The following IQGAP1 variants were observed in gnomAD, a reference collection of about 807,000 sequenced individuals.
IQGAP1 encodes ras GTPase-activating-like protein IQGAP1.
IQGAP1 carries 66 observed loss-of-function variants against 215.6 expected under a neutral mutation model. The ratio of observed to expected loss-of-function variants is 0.31; its 90% confidence interval spans 0.25 to 0.38. The LOEUF is 0.38. Among genes scored for constraint, IQGAP1 ranks in the 10% least tolerant of loss-of-function variants. IQGAP1 has a pLI of 1.00. For synonymous variants in IQGAP1, 772 were observed against 728.7 expected, an observed-to-expected ratio of 1.06 and a Z score of -0.96; for missense variants, 1,712 against 1,997.1, an observed-to-expected ratio of 0.86 and a Z score of 2.72.
chr15:90,467,692 C>T lies in IQGAP1; in HGVS notation c.2178+100C>T, dbSNP rs766895026. On this transcript the variant is annotated intron_variant, in intron 18 of 37. Coordinates refer to ENST00000268182, the MANE Select transcript of IQGAP1 (RefSeq NM_003870.4). ...AGGGCATGTGGTCAGAAGCCCTAGA[C>T]TAAAATTGAGGTTATGTAATGAGCT... 85 of 1,261,864 alleles carry T rather than the reference C, an allele frequency of 6.7e-5. No individual in the cohort carries two copies. The African/African-American group carries it at 1.2e-3, about 18-fold the overall frequency. The allele number at this position is 1,261,864 out of a possible 1,614,324, so 78.2% of individuals were successfully genotyped here. A position where few individuals can be genotyped will look rare whatever the true frequency, so the allele number is the denominator to read the frequency against.
chr15:90,414,409 A>G (rs910256923), intron 2 of IQGAP1, among the ~76,000 whole-genome samples: 5 of 152,132 alleles, frequency 3.3e-5, no homozygotes, highest in African/African-American at 1.2e-4. Flanking sequence ...TTACTTTTCT[A>G]GTTATTTTAA....
chr15:90,448,877 A>G (rs748181066), intron 10 of IQGAP1, 141 bp downstream of exon 10: 11 of 738,002 alleles, frequency 1.5e-5, no homozygotes, highest in Non-Finnish European at 2.1e-5. Flanking sequence ...TTTAAAAAAA[A>G]ATCCTCAGGT....
intron 2 of IQGAP1, among the ~76,000 whole-genome samples, chr15:90,404,218 T>C (rs77804847): frequency 6.6e-6 from 1 of 152,206 alleles, no homozygotes; most frequent in African/African-American, 2.4e-5. Flanking sequence ...CTCAAAAATA[T>C]TGCCAATTTG....
chr15:90,427,799 G>A (rs1444776562), intron 3 of IQGAP1, among the ~76,000 whole-genome samples: 4 of 152,098 alleles, frequency 2.6e-5, no homozygotes, highest in Non-Finnish European at 4.4e-5. Flanking sequence ...GAGGTTACCT[G>A]TGAATCCTTA....
At chr15:90,483,250 A>G in intron 28 of IQGAP1, 111 bp from the exon 29 acceptor site, 1 of 717,648 alleles carries the variant, frequency 1.4e-6, no homozygotes, top group Non-Finnish European at 2.4e-6. Context: ...TTTTTTATTT[A>G]TTTTTTCCTC....
chr15:90,489,852 C>T (rs1247901682), intron 33 of IQGAP1, among the ~76,000 whole-genome samples: 2 of 152,196 alleles, frequency 1.3e-5, no homozygotes, highest in African/African-American at 4.8e-5. Context: ...TTGGTGCTCT[C>T]ACCTCTGTTC....
chr15:90,482,275 G>T lies in IQGAP1; in HGVS notation c.3549G>T (p.Leu1183=), dbSNP rs768428053. 2 of 1,614,176 alleles carry T rather than the reference G, an allele frequency of 1.2e-6. No homozygotes were observed. Among genetic ancestry groups the T allele is most frequent in the East Asian group, 2.2e-5 (1 of 44,888 alleles). The change falls in exon 28 of 38, where the codon CTG becomes CTT. Residue 1183 remains leucine (L), a synonymous_variant. Transcript: ENST00000268182. ...EKFPDAGEDE[L]LKIIGNLLYY... is the part of the protein sequence containing the mutation. ...TCCCTGATGCTGGTGAGGATGAGCT[G>T]CTGAAGGTAAGAATCTCATAGCCGG...
intron 14 of IQGAP1, among the ~76,000 whole-genome samples, chr15:90,455,464 A>G (rs1212448849): frequency 6.6e-6 from 1 of 152,154 alleles, no homozygotes; most frequent in African/African-American, 2.4e-5. Context: ...AAACATACCT[A>G]TCACTCAGGA....
chr15:90,464,506 A>C (rs1345909867), intron 15 of IQGAP1, among the ~76,000 whole-genome samples: 5 of 152,154 alleles, frequency 3.3e-5, no homozygotes, highest in Non-Finnish European at 7.3e-5. Context: ...CCTGGGGCTA[A>C]TCCATAAGCT....
At chr15:90,473,637 A>G in intron 19 of IQGAP1, 78 bp from the exon 20 acceptor site, 1 of 1,017,558 alleles carries the variant, frequency 9.8e-7, no homozygotes, top group East Asian at 2.4e-5. Flanking sequence ...TGGATCATGT[A>G]TCAAGATGAA....
chr15:90,408,370 G>A (rs1964910073), intron 2 of IQGAP1, among the ~76,000 whole-genome samples: 2 of 152,066 alleles, frequency 1.3e-5, no homozygotes, highest in South Asian at 4.2e-4. Context: ...GAGTAATACG[G>A]TCCCTAAGCA....
At chr15:90,431,072 TACA>T (rs1596263023) in intron 4 of IQGAP1, 1 of 148,586 alleles carries the variant, frequency 6.7e-6, no homozygotes, top group Non-Finnish European at 1.5e-5. Flanking sequence ...CACAATATAT[TACA>T]ACATGTAATT....
At chr15:90,429,796 GTCTT>G (rs2151015250) in intron 4 of IQGAP1, 130 bp downstream of exon 4, 1 of 537,248 alleles carries the variant, frequency 1.9e-6, no homozygotes, top group African/African-American at 2.0e-5. Flanking sequence ...ACTAAAAGAT[GTCTT>G]TCTTTTTGAC....
At chr15:90,477,427 A>G (rs1965995075) in intron 25 of IQGAP1, among the ~76,000 whole-genome samples, 197 bp downstream of exon 25, 1 of 152,076 alleles carries the variant, frequency 6.6e-6, no homozygotes, top group African/African-American at 2.4e-5. Flanking sequence ...AACTTTAGGA[A>G]CATTCTGTAT....
intron 18 of IQGAP1, among the ~76,000 whole-genome samples, chr15:90,469,205 G>A (rs2151030319): frequency 6.6e-6 from 1 of 152,326 alleles, no homozygotes; most frequent in South Asian, 2.1e-4. Context: ...GGGGGAAGAT[G>A]CTCAGTAAGC....
intron 1 of IQGAP1, among the ~76,000 whole-genome samples, 195 bp downstream of exon 1, chr15:90,388,591 G>T (rs900401782): frequency 6.6e-6 from 1 of 152,194 alleles, no homozygotes; most frequent in South Asian, 2.1e-4. Context: ...GGTCCGAGGC[G>T]GCGGAGAGGA....
In IQGAP1 at chr15:90,398,718, C is replaced by T. The variant is rs892374601; in HGVS notation, c.155+7845C>T. Among the ~76,000 whole-genome samples, 3 of 151,904 alleles carry T rather than the reference C, an allele frequency of 2.0e-5. 1 individual carries two copies. In the East Asian group the frequency reaches 5.8e-4, roughly 29 times the overall value. ...TATATTACAATAAAGTATTAAGTAT[C>T]TTGGCTGGGCGCGGTGGCTCACACC... On this transcript the variant is annotated intron_variant, in intron 2 of 37. Transcript: ENST00000268182.
intron 5 of IQGAP1, among the ~76,000 whole-genome samples, chr15:90,435,997 G>C (rs1428843019): frequency 6.6e-6 from 1 of 151,208 alleles, no homozygotes; most frequent in Non-Finnish European, 1.5e-5. Context: ...TATTGGATAA[G>C]GCTCCATCTC....
intron 26 of IQGAP1, among the ~76,000 whole-genome samples, chr15:90,480,964 G>C (rs28691618): frequency 0.2 from 29,966 of 152,028 alleles, 4,003 homozygotes; most frequent in African/African-American, 0.38. Context: ...CACCACACCC[G>C]GCCTCTACTT....
Sources: allele counts gnomAD v4.1 joint callset (sites outside exome capture counted in the v4.1 genomes callset), GRCh38; gene constraint gnomAD v4.1.1; transcripts MANE v1.5; gene names NCBI Gene and HGNC (gene_info 2026-07-23, HGNC 2026-07-21).